The following RNF152 variants were observed in gnomAD, a reference collection of about 807,000 sequenced individuals.
The protein encoded by RNF152 is E3 ubiquitin-protein ligase RNF152.
A neutral mutation model predicts 12.7 loss-of-function variants in RNF152; 11 were observed. The ratio of observed to expected loss-of-function variants is 0.86; its 90% confidence interval spans 0.54 to 1.43. RNF152 has a LOEUF of 1.43. RNF152 is among the 40% of genes most tolerant of loss of function. The probability of loss-of-function intolerance (pLI) is 0.00; values close to 1 mark genes in which losing one functional copy is unlikely to be tolerated. For missense variants in RNF152, 255 were observed against 274.8 expected (o/e 0.93, Z 0.51); for synonymous variants, 113 against 120.3 (o/e 0.94, Z 0.40).
At position 61,876,940 on chromosome 18, in the gene RNF152, C is replaced by T. The variant is rs146104831; in HGVS notation, c.-136+15855G>A. On this transcript the variant is annotated intron_variant, in intron 1 of 1. Transcript: ENST00000312828. ...GCAGGATATTTACTGGAAAAAGAGA[C>T]TTGACCATTGTATCCTCAAGCCAGA... Among the ~76,000 whole-genome samples, 11 of 152,316 alleles carry T rather than the reference C, an allele frequency of 7.2e-5. No individual in the cohort carries two copies. The East Asian group carries it at 2.1e-3, about 29-fold the overall frequency.
At chr18:61,824,077 A>C (rs1909545325) in intron 1 of RNF152, among the ~76,000 whole-genome samples, 1 of 152,242 alleles carries the variant, frequency 6.6e-6, no homozygotes, top group East Asian at 1.9e-4. Context: ...CATATTTAAA[A>C]ATCAAAGTAT....
rs62096265 is a variant in RNF152 at position 61,820,172 on chromosome 18, A to G, written c.-135-3574T>C. On this transcript the variant is annotated intron_variant, in intron 1 of 1. Transcript: ENST00000312828. ...GTGAAACCCCGTCTCTACTAAAAAT[A>G]CAAAAAATTAGCCAGGCATGGTGGC... 4.8e-3 allele frequency among the ~76,000 whole-genome samples: 732 copies of G among 150,974 alleles called. 6 individuals are homozygous for G. Among genetic ancestry groups the G allele is most frequent in the Non-Finnish European group, 7.5e-3 (509 of 67,700 alleles).
intron 1 of RNF152, among the ~76,000 whole-genome samples, chr18:61,825,639 C>T (rs1424710264): frequency 2.6e-5 from 4 of 152,122 alleles, no homozygotes; most frequent in Non-Finnish European, 5.9e-5. Context: ...GCAGTCATCA[C>T]TGGAGGTGAA....
At chr18:61,824,267 A>G (rs1471692628) in intron 1 of RNF152, among the ~76,000 whole-genome samples, 2 of 152,214 alleles carry the variant, frequency 1.3e-5, no homozygotes, top group African/African-American at 4.8e-5. Flanking sequence ...TAACCTCTAG[A>G]TGAGCCTCCT....
chr18:61,893,987 G>A (rs893393462), upstream of RNF152, among the ~76,000 whole-genome samples: 5 of 142,582 alleles, frequency 3.5e-5, no homozygotes, highest in Non-Finnish European at 7.6e-5. Context: ...CACCCCCTCC[G>A]CGGTCCAGAA....
At chr18:61,863,627 T>C (rs905555315) in intron 1 of RNF152, among the ~76,000 whole-genome samples, 1 of 152,194 alleles carries the variant, frequency 6.6e-6, no homozygotes, top group African/African-American at 2.4e-5. Context: ...TCTCCTTTTG[T>C]GCTTCTCAAT....
At chr18:61,867,272 G>A (rs1231755129) in intron 1 of RNF152, among the ~76,000 whole-genome samples, 9 of 152,124 alleles carry the variant, frequency 5.9e-5, no homozygotes, top group African/African-American at 1.2e-4. Flanking sequence ...CCAACATGGC[G>A]AGGCCCCATC....
chr18:61,826,271 G>C (rs1909664482), intron 1 of RNF152, among the ~76,000 whole-genome samples: 1 of 152,166 alleles, frequency 6.6e-6, no homozygotes, highest in African/African-American at 2.4e-5. Flanking sequence ...ACCTTCTTTA[G>C]AGCAGGTCTA....
At chr18:61,841,816 G>A (rs1211654601) in intron 1 of RNF152, among the ~76,000 whole-genome samples, 1 of 152,212 alleles carries the variant, frequency 6.6e-6, no homozygotes, top group African/African-American at 2.4e-5. Flanking sequence ...TCAGTGGCAA[G>A]GCTGTAGAAC....
intron 1 of RNF152, among the ~76,000 whole-genome samples, chr18:61,822,265 A>G (rs1269969720): frequency 1.3e-5 from 2 of 152,218 alleles, no homozygotes; most frequent in Non-Finnish European, 2.9e-5. Context: ...TATTTCAAAC[A>G]TAACCTCATA....
chr18:61,843,212 G>T (rs958196390), intron 1 of RNF152, among the ~76,000 whole-genome samples: 2 of 152,208 alleles, frequency 1.3e-5, no homozygotes, highest in East Asian at 1.9e-4. Flanking sequence ...TTTTCAACTC[G>T]TGCACACCCT....
At chr18:61,883,635 AT>A (rs1342355358) in intron 1 of RNF152, among the ~76,000 whole-genome samples, 1 of 152,194 alleles carries the variant, frequency 6.6e-6, no homozygotes, top group Non-Finnish European at 1.5e-5. Context: ...GGAAAGTTCC[AT>A]GACCCAGGTA....
intron 1 of RNF152, among the ~76,000 whole-genome samples, chr18:61,883,821 C>T (rs1031041295): frequency 6.6e-6 from 1 of 152,198 alleles, no homozygotes; most frequent in Non-Finnish European, 1.5e-5. Flanking sequence ...CTTTCTCAGA[C>T]TCCTCTCCTC....
chr18:61,848,614 T>C (rs1483721915), intron 1 of RNF152, among the ~76,000 whole-genome samples: 1 of 152,214 alleles, frequency 6.6e-6, no homozygotes, highest in Non-Finnish European at 1.5e-5. Context: ...CGTAGGTCTA[T>C]GCAGGGTTAA....
At chr18:61,861,233 T>C (rs954148209) in intron 1 of RNF152, among the ~76,000 whole-genome samples, 1 of 152,222 alleles carries the variant, frequency 6.6e-6, no homozygotes, top group Non-Finnish European at 1.5e-5. Flanking sequence ...CAGAGCAACT[T>C]CCAGTCCTGC....
chr18:61,874,319 T>C (rs942728850), intron 1 of RNF152, among the ~76,000 whole-genome samples: 2 of 152,224 alleles, frequency 1.3e-5, no homozygotes, highest in African/African-American at 4.8e-5. Flanking sequence ...AACCAAGTCA[T>C]TGGTGATAGC....
intron 1 of RNF152, among the ~76,000 whole-genome samples, chr18:61,822,926 T>C (rs1193849697): frequency 6.6e-6 from 1 of 152,230 alleles, no homozygotes; most frequent in African/African-American, 2.4e-5. Context: ...ATATTTGAAA[T>C]GGGATTAAAC....
rs1017518979 is a variant in RNF152, at chr18:61,837,990, C to G, written c.-135-21392G>C. ...CCACACACTCTTCAACCTCTGATTT[C>G]TCACCTCTGTGCCAGTCTTTTGAAG... On this transcript the variant is annotated intron_variant, in intron 1 of 1. Transcript: ENST00000312828. 2.7e-5 allele frequency among the ~76,000 whole-genome samples: 4 copies of G among 150,348 alleles called. No individual in the cohort carries two copies. The Admixed American group carries it at 2.7e-4, about 10-fold the overall frequency.
upstream of RNF152, chr18:61,893,268 T>TATGGGA (rs1400278725): frequency 6.6e-6 from 1 of 152,214 alleles, no homozygotes; most frequent in African/African-American, 2.4e-5. Context: ...AACCCGGTCA[T>TATGGGA]ATGGGAATGC....
Sources: allele counts gnomAD v4.1 joint callset (sites outside exome capture counted in the v4.1 genomes callset), GRCh38; gene constraint gnomAD v4.1.1; transcripts MANE v1.5; gene names NCBI Gene and HGNC (gene_info 2026-07-23, HGNC 2026-07-21).